The following LRRC58 variants were observed in gnomAD, a reference collection of about 807,000 sequenced individuals.
LRRC58 encodes the protein leucine rich repeat containing 58.
LRRC58 carries 18 observed loss-of-function variants against 30.6 expected under a neutral mutation model. The ratio of observed to expected loss-of-function variants is 0.59; its 90% confidence interval spans 0.41 to 0.87. LRRC58 has a LOEUF of 0.87. LRRC58 is among the 40% of genes least tolerant of loss of function. The pLI is 0.00. For missense variants in LRRC58, 420 were observed against 468.4 expected (o/e 0.90, Z 0.95); for synonymous variants, 221 against 206.0 (o/e 1.07, Z -0.62).
At chr3:120,340,233 T>A (rs1248047916) in intron 1 of LRRC58, among the ~76,000 whole-genome samples, 1 of 152,206 alleles carries the variant, frequency 6.6e-6, no homozygotes, top group Non-Finnish European at 1.5e-5. Flanking sequence ...TTTCTTTATC[T>A]CTTTGAGCTG....
Position 120,324,541 on chromosome 3 carries a change from A to T in LRRC58, c.*6659T>A, listed in dbSNP as rs1488024101. The T allele has an allele frequency of 6.6e-6, 1 of 152,240 alleles. No homozygotes were observed. The highest frequency in any genetic ancestry group is 1.5e-5 in the Non-Finnish European group (1 of 68,038). The allele number at this position is 152,240 out of a possible 1,614,324, so 9.4% of individuals were successfully genotyped here. On this transcript the variant is annotated 3_prime_UTR_variant, in exon 4 of 4. Coordinates refer to ENST00000295628, the MANE Select transcript of LRRC58 (RefSeq NM_001099678.2). Reference sequence around the variant, plus strand: ...TAGTACATATTTAATGTATGTATTCAATGATGTAACAAGTAATCAGGCAAA... The same window carrying T: ...TAGTACATATTTAATGTATGTATTCTATGATGTAACAAGTAATCAGGCAAA...
intron 1 of LRRC58, among the ~76,000 whole-genome samples, chr3:120,341,829 A>G (rs1456534781): frequency 6.6e-6 from 1 of 151,750 alleles, no homozygotes; most frequent in Non-Finnish European, 1.5e-5. Flanking sequence ...CTCCTGCTCT[A>G]CAGAGCAGGG....
chr3:120,344,314 T>C (rs1188667703), intron 1 of LRRC58, among the ~76,000 whole-genome samples: 2 of 152,158 alleles, frequency 1.3e-5, no homozygotes, highest in Non-Finnish European at 2.9e-5. Flanking sequence ...TGTTCAAAAG[T>C]AGACATACAA....
At chr3:120,348,547 CCAAA>C (rs1449060706) in intron 1 of LRRC58, among the ~76,000 whole-genome samples, 193 bp downstream of exon 1, 3 of 152,202 alleles carry the variant, frequency 2.0e-5, no homozygotes, top group Non-Finnish European at 4.4e-5. Context: ...ACACAACACA[CCAAA>C]CAGTCACACA....
chr3:120,334,905 T>A lies in LRRC58; in HGVS notation c.864A>T (p.Arg288Ser), dbSNP rs766489976. The change falls in exon 3 of 4, where the codon AGA becomes AGT. Residue 288 changes from arginine to serine, a missense_variant. Physicochemically the swap from Arg to Ser is moderately radical, Grantham distance 110 (BLOSUM62 -1). This residue lies in a region of LRRC58 where 154 missense variants were observed against 216.8 expected (regional missense o/e 0.71). Coordinates refer to ENST00000295628, the MANE Select transcript of LRRC58 (RefSeq NM_001099678.2). ...TPYDLPGNLLRYLGSASNCPN... is the reference protein window; with the variant it reads ...TPYDLPGNLLSYLGSASNCPN... Reference sequence around the variant, plus strand: ...GGCAATTGCTGGCTGAACCCAAGTATCTAAGAAGATTTCCAGGAAGATCAT... The same window carrying A: ...GGCAATTGCTGGCTGAACCCAAGTAACTAAGAAGATTTCCAGGAAGATCAT... 1.9e-6 allele frequency: 3 copies of A among 1,613,784 alleles called. No individual in the cohort carries two copies. The highest frequency in any genetic ancestry group is 2.5e-6 in the Non-Finnish European group (3 of 1,179,794).
intron 1 of LRRC58, among the ~76,000 whole-genome samples, chr3:120,338,251 C>T (rs1174960355): frequency 6.6e-6 from 1 of 152,194 alleles, no homozygotes; most frequent in East Asian, 1.9e-4. Flanking sequence ...AATCCCAGCT[C>T]TACAACTTAC....
At position 120,331,437 on chromosome 3, in the gene LRRC58, C is replaced by G. The variant is rs9850986; in HGVS notation, c.908-29G>C. ...AAGAGAAGAAGGAATAGAAAGTAATCATTACAAAGCAAGGAATCAATTTCT... is the reference window on the plus strand; with the variant it reads ...AAGAGAAGAAGGAATAGAAAGTAATGATTACAAAGCAAGGAATCAATTTCT... On this transcript the variant is annotated intron_variant, in intron 3 of 3. Coordinates refer to ENST00000295628, the MANE Select transcript of LRRC58 (RefSeq NM_001099678.2). 3,939 of 1,531,026 alleles carry G rather than the reference C, an allele frequency of 2.6e-3. 87 individuals carry two copies. In the African/African-American group the frequency reaches 0.045, roughly 17 times the overall value. 94.8% of individuals were successfully genotyped at this position (1,531,026 alleles called of 1,614,324 possible). A position where few individuals can be genotyped will look rare whatever the true frequency, so the allele number is the denominator to read the frequency against.
chr3:120,334,280 G>A (rs1233819190), intron 3 of LRRC58, among the ~76,000 whole-genome samples: 2 of 152,022 alleles, frequency 1.3e-5, no homozygotes, highest in Admixed American at 6.6e-5. Context: ...CGAGGTGGGC[G>A]GATCACAAGG....
In LRRC58 at chr3:120,331,089, T is replaced by C. The variant is rs1282620860; in HGVS notation, c.*111A>G. ...ATGTTTTATATCATCCCAGACTCTTTGATGAACACTTAAGATGAAGATAAG... is the reference window on the plus strand; with the variant it reads ...ATGTTTTATATCATCCCAGACTCTTCGATGAACACTTAAGATGAAGATAAG... On this transcript the variant is annotated 3_prime_UTR_variant, in exon 4 of 4. Coordinates refer to ENST00000295628, the MANE Select transcript of LRRC58 (RefSeq NM_001099678.2). The C allele has an allele frequency of 1.1e-6, 1 of 904,848 alleles. No homozygotes were observed. The highest frequency in any genetic ancestry group is 2.5e-5 in the East Asian group (1 of 39,312). The allele number at this position is 904,848 out of a possible 1,614,324, so 56.1% of individuals were successfully genotyped here. A position where few individuals can be genotyped will look rare whatever the true frequency, so the allele number is the denominator to read the frequency against.
intron 1 of LRRC58, among the ~76,000 whole-genome samples, chr3:120,344,083 AAAC>A (rs1053765241): frequency 1.1e-4 from 17 of 151,990 alleles, no homozygotes; most frequent in Admixed American, 5.9e-4. Flanking sequence ...AAAAACCCCC[AAAC>A]AACAACAACA....
intron 1 of LRRC58, among the ~76,000 whole-genome samples, chr3:120,345,822 C>T (rs9822636): frequency 0.12 from 18,064 of 152,236 alleles, 1,168 homozygotes; most frequent in African/African-American, 0.16. Flanking sequence ...AGATATCATA[C>T]ATTATTGGTG....
chr3:120,334,897 C>T lies in LRRC58; in HGVS notation c.872G>A (p.Gly291Asp). 6.2e-7 allele frequency: 1 copy of T among 1,613,670 alleles called. No homozygotes were observed. The highest frequency in any genetic ancestry group is 8.5e-7 in the Non-Finnish European group (1 of 1,179,746). ...TGGGTTTGGGCAATTGCTGGCTGAA[C>T]CCAAGTATCTAAGAAGATTTCCAGG... ...DLPGNLLRYL[G>D]SASNCPNPKC... The change falls in exon 3 of 4, where the codon GGT (glycine) becomes GAT (aspartate). Residue 291 changes from glycine (G) to aspartate (D), a missense_variant. Coordinates refer to ENST00000295628, the MANE Select transcript of LRRC58 (RefSeq NM_001099678.2).
intron 1 of LRRC58, among the ~76,000 whole-genome samples, chr3:120,347,376 A>ATTTT (rs1208688984): frequency 1.6e-4 from 8 of 51,100 alleles, no homozygotes; most frequent in African/African-American, 2.5e-4. Context: ...CCAGGCCAAT[A>ATTTT]TTCTTTTTTT....
chr3:120,339,671 T>C (rs1935879081), intron 1 of LRRC58, among the ~76,000 whole-genome samples: 1 of 152,202 alleles, frequency 6.6e-6, no homozygotes, highest in Non-Finnish European at 1.5e-5. Context: ...AATCTTTTTT[T>C]TCTTTCCTCA....
intron 1 of LRRC58, among the ~76,000 whole-genome samples, chr3:120,342,764 C>A (rs775372864): frequency 6.6e-6 from 1 of 152,200 alleles, no homozygotes; most frequent in African/African-American, 2.4e-5. Flanking sequence ...ACAGAGGTTT[C>A]CAGTCAGAAA....
chr3:120,325,284 T>C lies in LRRC58; in HGVS notation c.*5916A>G, dbSNP rs1935657572. 6.7e-6 allele frequency: 1 copy of C among 150,118 alleles called. No homozygotes were observed. The highest frequency in any genetic ancestry group is 1.5e-5 in the Non-Finnish European group (1 of 67,336). The allele number at this position is 150,118 out of a possible 1,614,324, so 9.3% of individuals were successfully genotyped here. Reference sequence around the variant, plus strand: ...TGTTTTTGCAATACTGCAACAGCAATGTCAATCTTATCCCCGTATCTTCCA... The same window carrying C: ...TGTTTTTGCAATACTGCAACAGCAACGTCAATCTTATCCCCGTATCTTCCA... On this transcript the variant is annotated 3_prime_UTR_variant, in exon 4 of 4. Transcript: ENST00000295628.
chr3:120,348,965 C>G lies in LRRC58; in HGVS notation c.279G>C (p.Leu93=). ...GGTTGTTCTTGGCCAGCAGCGTGCG[C>G]AGGCCGCGCAGAGCGAGCAGCTCCG... ...LGPELLALRG[L]RTLLAKNNRL... is the part of the protein sequence containing the mutation. Residue 93 remains leucine, a synonymous_variant, in exon 1 of 4, where the codon CTG becomes CTC. Transcript: ENST00000295628. The G allele has an allele frequency of 6.5e-7, 1 of 1,540,390 alleles. No individual in the cohort carries two copies. Among genetic ancestry groups the G allele is most frequent in the Non-Finnish European group, 8.7e-7 (1 of 1,146,402 alleles).
In LRRC58 at chr3:120,324,610, A is replaced by C. The variant is rs1935648225; in HGVS notation, c.*6590T>G. On this transcript the variant is annotated 3_prime_UTR_variant, in exon 4 of 4. Transcript: ENST00000295628. ...TTTAATATAGAACTGGATTCCAACA[A>C]AACAGTTTTATTAAAATAAGGCACA... is the stretch of plus-strand genomic sequence containing the variant. The C allele has an allele frequency of 6.6e-6, 1 of 152,226 alleles. No individual in the cohort carries two copies. The highest frequency in any genetic ancestry group is 1.5e-5 in the Non-Finnish European group (1 of 68,044). The allele number at this position is 152,226 out of a possible 1,614,324, so 9.4% of individuals were successfully genotyped here. A position where few individuals can be genotyped will look rare whatever the true frequency, so the allele number is the denominator to read the frequency against.
rs1426553100 is a variant in LRRC58, at chr3:120,324,635, A to G, written c.*6565T>C. On this transcript the variant is annotated 3_prime_UTR_variant, in exon 4 of 4. Transcript: ENST00000295628. ...AAACAGTTTTATTAAAATAAGGCAC[A>G]ATGTTTGATATGGCAAAATTCACAG... is the stretch of plus-strand genomic sequence containing the variant. 1 of 152,222 alleles carries G rather than the reference A, an allele frequency of 6.6e-6. No individual in the cohort carries two copies. Among genetic ancestry groups the G allele is most frequent in the Non-Finnish European group, 1.5e-5 (1 of 68,036 alleles). The allele number at this position is 152,222 out of a possible 1,614,324, so 9.4% of individuals were successfully genotyped here.
Sources: allele counts gnomAD v4.1 joint callset (sites outside exome capture counted in the v4.1 genomes callset), GRCh38; gene constraint gnomAD v4.1.1; regional missense constraint gnomAD v4.1.1; transcripts MANE v1.5; gene names NCBI Gene and HGNC (gene_info 2026-07-23, HGNC 2026-07-21).